RPS6KA2: variants seen among roughly 807,000 people sequenced by gnomAD.
RPS6KA2 encodes ribosomal protein S6 kinase alpha-2.
In RPS6KA2, 42 loss-of-function variants were observed where a neutral mutation model predicts 91.8. That is an observed-to-expected ratio of 0.46 (90% CI 0.36 to 0.59). The LOEUF (loss-of-function observed/expected upper bound fraction) is 0.59. Ranked by LOEUF, RPS6KA2 falls within the 20% of genes least tolerant of loss-of-function variation. The pLI, the probability that RPS6KA2 is intolerant of heterozygous loss-of-function variation, is 0.00. For synonymous variants in RPS6KA2, 414 were observed against 393.6 expected (o/e 1.05, Z -0.61); for missense variants, 798 against 978.5 (o/e 0.82, Z 2.46).
intron 2 of RPS6KA2, among the ~76,000 whole-genome samples, chr6:166,824,525 T>C (rs1390453242): frequency 2.6e-5 from 4 of 152,152 alleles, no homozygotes; most frequent in African/African-American, 4.8e-5. Context: ...TGTGCTAGCA[T>C]GAGGGCATGT....
chr6:166,486,913 A>G (rs1461183112), intron 10 of RPS6KA2, among the ~76,000 whole-genome samples: 1 of 152,252 alleles, frequency 6.6e-6, no homozygotes, highest in African/African-American at 2.4e-5. Context: ...GCAGCTCCCA[A>G]AACAAGAATT....
At chr6:166,492,856 C>T (rs1345612663) in intron 8 of RPS6KA2, among the ~76,000 whole-genome samples, 1 of 150,870 alleles carries the variant, frequency 6.6e-6, no homozygotes, top group Non-Finnish European at 1.5e-5. Flanking sequence ...GCTGGGACTA[C>T]AGGCGTGAGC....
chr6:166,625,320 A>ACCC (rs1474972568), intron 1 of RPS6KA2, among the ~76,000 whole-genome samples: 15 of 22,680 alleles, frequency 6.6e-4, no homozygotes, highest in African/African-American at 2.3e-3. Flanking sequence ...TCCTATTCCC[A>ACCC]CCACCCCCCC....
At chr6:166,414,220 G>A (rs1183459586) in intron 19 of RPS6KA2, among the ~76,000 whole-genome samples, 2 of 152,186 alleles carry the variant, frequency 1.3e-5, no homozygotes, top group African/African-American at 2.4e-5. Context: ...GTAAATCGAT[G>A]AAACACTGTT....
At chr6:166,560,226 G>C (rs140204080) in intron 1 of RPS6KA2, among the ~76,000 whole-genome samples, 1 of 152,320 alleles carries the variant, frequency 6.6e-6, no homozygotes, top group Non-Finnish European at 1.5e-5. Flanking sequence ...TGCAGGGGAA[G>C]GGTTCTATCA....
intron 3 of RPS6KA2, 80 bp from the exon 4 acceptor site, chr6:166,510,437 T>C (rs1782423290): frequency 1.1e-5 from 9 of 850,380 alleles, no homozygotes; most frequent in South Asian, 7.9e-5. Flanking sequence ...ATACTAGATA[T>C]AATTCCCGCC....
At chr6:166,460,903 C>T (rs1204371190) in intron 11 of RPS6KA2, 2 of 152,290 alleles carry the variant, frequency 1.3e-5, no homozygotes, top group Admixed American at 6.5e-5. Context: ...CAAATTTCAA[C>T]ACCTCCTCCG....
chr6:166,659,618 G>A (rs1005137111), intron 2 of RPS6KA2, among the ~76,000 whole-genome samples: 8 of 152,236 alleles, frequency 5.3e-5, no homozygotes, highest in East Asian at 3.8e-4. Flanking sequence ...GGAGTGGAGC[G>A]TAAGGAGAAG....
At chr6:166,834,784 A>G (rs1583165846) in intron 2 of RPS6KA2, among the ~76,000 whole-genome samples, 1 of 152,068 alleles carries the variant, frequency 6.6e-6, no homozygotes, top group East Asian at 1.9e-4. Flanking sequence ...GATTTTTCTG[A>G]CAGTGTCTTT....
intron 2 of RPS6KA2, among the ~76,000 whole-genome samples, chr6:166,838,230 G>A (rs1406379529): frequency 6.7e-6 from 1 of 149,112 alleles, no homozygotes; most frequent in Non-Finnish European, 1.5e-5. Context: ...AGCTATAATT[G>A]ATTCAAGGAA....
intron 5 of RPS6KA2, among the ~76,000 whole-genome samples, chr6:166,507,606 A>G (rs1782286123): frequency 6.6e-6 from 1 of 150,872 alleles, no homozygotes; most frequent in Non-Finnish European, 1.5e-5. Flanking sequence ...GCACACATGC[A>G]CAAAGCACAC....
chr6:166,756,167 G>A (rs1339017832), intron 2 of RPS6KA2, among the ~76,000 whole-genome samples: 4 of 152,126 alleles, frequency 2.6e-5, no homozygotes, highest in African/African-American at 7.2e-5. Context: ...GCAGGAGCCT[G>A]TAGTCCCAGC....
intron 2 of RPS6KA2, among the ~76,000 whole-genome samples, chr6:166,682,817 AAG>A (rs1484109024): frequency 6.6e-6 from 1 of 152,174 alleles, no homozygotes. Context: ...TACCTCAGTA[AAG>A]AGACAACCCA....
Position 166,849,827 on chromosome 6 carries a change from G to T in RPS6KA2, c.123+8373C>A, listed in dbSNP as rs1780694110. Reference sequence around the variant, plus strand: ...TCTCGCCTTCGCTTTCTTTGGAAATGGTTTTATAGGGTTTGCTCCATCTGT... The same window carrying T: ...TCTCGCCTTCGCTTTCTTTGGAAATTGTTTTATAGGGTTTGCTCCATCTGT... On this transcript the variant is annotated intron_variant, in intron 2 of 21. Transcript: ENST00000503859. This position sits in a 1 kb window ranked among gnomAD's most constrained non-coding sequence, Gnocchi z 4.9. 6.6e-6 allele frequency among the ~76,000 whole-genome samples: 1 copy of T among 152,188 alleles called. No homozygotes were observed. Among genetic ancestry groups the T allele is most frequent in the Non-Finnish European group, 1.5e-5 (1 of 68,040 alleles).
chr6:166,510,245 C>A, intron 4 of RPS6KA2, 32 bp downstream of exon 4: 1 of 1,351,590 alleles, frequency 7.4e-7, no homozygotes, highest in Non-Finnish European at 1.1e-6. Flanking sequence ...TGCCCTGGGT[C>A]CTCTTTAAAG....
intron 1 of RPS6KA2, among the ~76,000 whole-genome samples, chr6:166,591,742 T>G (rs568972133): frequency 2.6e-5 from 4 of 152,288 alleles, no homozygotes; most frequent in Non-Finnish European, 4.4e-5. Context: ...CTCCTGTCGG[T>G]TAATCCCACC....
chr6:166,415,294 C>G (rs1778460721), intron 19 of RPS6KA2, among the ~76,000 whole-genome samples: 1 of 152,046 alleles, frequency 6.6e-6, no homozygotes, highest in African/African-American at 2.4e-5. Flanking sequence ...AAAACAAAAG[C>G]CTTTAGGGCT....
intron 5 of RPS6KA2, 116 bp from the exon 6 acceptor site, chr6:166,504,728 T>C: frequency 1.5e-6 from 1 of 676,376 alleles, no homozygotes; most frequent in Non-Finnish European, 2.5e-6. Context: ...CAGTTTGCTC[T>C]GTGGAACGCT....
rs2128635495 is a variant in RPS6KA2 at position 166,862,032 on chromosome 6, T to C, written c.63+76A>G. On this transcript the variant is annotated intron_variant, in intron 1 of 21. Coordinates refer to the RPS6KA2 transcript ENST00000503859. ...CCTAATGGACATGAACTGATTATAG[T>C]AAATGAGCAATGCATTGGCTGCAGA... The C allele has an allele frequency of 5.7e-6, 9 of 1,588,186 alleles. No homozygotes were observed. The East Asian group carries it at 1.8e-4, about 32-fold the overall frequency.
Sources: gnomAD v4.1 joint callset for allele counts (sites outside exome capture counted in the v4.1 genomes callset) on GRCh38, gnomAD v4.1.1 for gene constraint, Gnocchi (gnomAD v3.1) non-coding constraint, MANE v1.5 for transcripts, NCBI Gene and HGNC (gene_info 2026-07-23, HGNC 2026-07-21) for gene names.